The following BIN3 variants were observed in gnomAD, a reference collection of about 807,000 sequenced individuals.
BIN3 encodes bridging integrator 3.
Under a neutral mutation model 38.2 loss-of-function variants are expected in BIN3, and 41 were observed. The ratio of observed to expected loss-of-function variants is 1.07; its 90% CI spans 0.84 to 1.39. The LOEUF (loss-of-function observed/expected upper bound fraction) is 1.39, where lower values mean the gene tolerates loss of function less well. Among genes scored for constraint, BIN3 ranks in the 40% most tolerant of loss-of-function variants. The pLI, the probability that BIN3 is intolerant of heterozygous loss-of-function variation, is 0.00. For synonymous variants in BIN3, 145 were observed against 122.6 expected (o/e 1.18, Z -1.21); for missense variants, 361 against 324.3 (o/e 1.11, Z -0.87).
rs748508920 is a variant in BIN3 at position 22,630,538 on chromosome 8, G to A, written c.201C>T (p.Leu67=). The A allele has an allele frequency of 6.2e-7, 1 of 1,614,050 alleles. No individual in the cohort carries two copies. The highest frequency in any genetic ancestry group is 1.3e-5 in the African/African-American group (1 of 75,072). Residue 67 remains leucine, a synonymous_variant, in exon 5 of 9, where the codon CTC becomes CTT. Transcript: ENST00000276416. ...KSAVKISLDL[L]SNPLCEQDQD... The stretch of plus-strand genomic sequence containing the variant: ...GGTCTTGCTCACAGAGGGGATTGGA[G>A]AGTAAGTCCAAGGATATCTTCACGG...
chr8:22,659,309 A>C (rs561665585), intron 1 of BIN3, among the ~76,000 whole-genome samples: 1 of 152,188 alleles, frequency 6.6e-6, no homozygotes, highest in Admixed American at 6.5e-5. Flanking sequence ...AATTAGCTTG[A>C]TCCAAAACCA....
In BIN3 at chr8:22,624,033, C is replaced by T. The variant is rs758256419; in HGVS notation, c.497G>A (p.Arg166Gln). The change falls in exon 8 of 9, where the codon CGG (arginine) becomes CAG (glutamine). Residue 166 changes from arginine to glutamine, a missense_variant. Physicochemically the swap from Arg to Gln is conservative, Grantham distance 43 (BLOSUM62 1). Transcript: ENST00000276416. ...AKLHQAREEL[R>Q]PVREDFEAKN... ...GGCTTCAAAGTCCTCCCGCACAGGC[C>T]GCAGCTCCTCTCGTGCCTAGGGAAC... 15 of 1,612,992 alleles carry T rather than the reference C, an allele frequency of 9.3e-6. No individual in the cohort carries two copies. Among genetic ancestry groups the T allele is most frequent in the East Asian group, 2.2e-5 (1 of 44,848 alleles).
chr8:22,626,294 G>A (rs1802001826), intron 6 of BIN3: 1 of 152,414 alleles, frequency 6.6e-6, no homozygotes, highest in African/African-American at 2.4e-5. Context: ...AGGATGCATA[G>A]TCGCCCATGG....
intron 1 of BIN3, among the ~76,000 whole-genome samples, chr8:22,645,763 T>G (rs1425507696): frequency 6.6e-6 from 1 of 152,224 alleles, no homozygotes; most frequent in Non-Finnish European, 1.5e-5. Context: ...TACTTCTCTA[T>G]AGAGGGGCAA....
At chr8:22,667,172 G>A (rs1178069555) in intron 1 of BIN3, among the ~76,000 whole-genome samples, 2 of 152,144 alleles carry the variant, frequency 1.3e-5, no homozygotes, top group African/African-American at 2.4e-5. Flanking sequence ...TCAGTCCAAG[G>A]AGATACCAAG....
intron 1 of BIN3, among the ~76,000 whole-genome samples, chr8:22,666,015 G>C (rs971869327): frequency 2.0e-5 from 3 of 152,116 alleles, no homozygotes; most frequent in African/African-American, 7.2e-5. Flanking sequence ...GGCTGAGCCA[G>C]AACCTGAACG....
intron 1 of BIN3, 146 bp downstream of exon 1, chr8:22,668,898 G>T (rs1403760599): frequency 3.0e-6 from 3 of 1,000,964 alleles, no homozygotes; most frequent in South Asian, 1.6e-5. Flanking sequence ...CCGAGGGAAC[G>T]ACCCTAGGGC....
At chr8:22,629,485 G>A (rs554541706) in intron 6 of BIN3, among the ~76,000 whole-genome samples, 88 of 152,322 alleles carry the variant, frequency 5.8e-4, no homozygotes, top group African/African-American at 1.9e-3. Flanking sequence ...GGACCTTCCC[G>A]GGCCAGACCC....
At chr8:22,641,139 C>T (rs1329356321) in intron 2 of BIN3, among the ~76,000 whole-genome samples, 3 of 152,198 alleles carry the variant, frequency 2.0e-5, no homozygotes, top group Admixed American at 2.0e-4. Flanking sequence ...AAGATCTGAA[C>T]ATCTTTGAAT....
At chr8:22,639,930 C>T (rs148109031) in intron 2 of BIN3, among the ~76,000 whole-genome samples, 3,890 of 151,986 alleles carry the variant, frequency 0.026, 88 homozygotes, top group Non-Finnish European at 0.038. Flanking sequence ...GGCGTGATCT[C>T]GGCTCACCGC....
At chr8:22,630,251 G>A (rs961178044) in intron 5 of BIN3, among the ~76,000 whole-genome samples, 191 bp downstream of exon 5, 2 of 152,216 alleles carry the variant, frequency 1.3e-5, no homozygotes, top group African/African-American at 2.4e-5. Flanking sequence ...AGCCTCAGGA[G>A]GCAGGTAGAG....
intron 1 of BIN3, among the ~76,000 whole-genome samples, chr8:22,652,211 A>G (rs1483105613): frequency 2.6e-5 from 4 of 151,950 alleles, no homozygotes; most frequent in Non-Finnish European, 5.9e-5. Flanking sequence ...TATTTTCCAT[A>G]CTAAGTGCTT....
At chr8:22,658,294 C>T (rs533963755) in intron 1 of BIN3, among the ~76,000 whole-genome samples, 1 of 152,172 alleles carries the variant, frequency 6.6e-6, no homozygotes, top group African/African-American at 2.4e-5. Context: ...TCTGTGTGTA[C>T]GGAGGGCAAA....
rs139294776 is a variant in BIN3, at chr8:22,629,371, C to A, written c.338+593G>T. ...GGCACGGCTCTGCCTGTTCCCCGCCCTGGGGACCGAGGGAATAGGCCTGTC... is the reference window on the plus strand; with the variant it reads ...GGCACGGCTCTGCCTGTTCCCCGCCATGGGGACCGAGGGAATAGGCCTGTC... On this transcript the variant is annotated intron_variant, in intron 6 of 8. Transcript: ENST00000276416. 5.4e-4 allele frequency among the ~76,000 whole-genome samples: 83 copies of A among 152,332 alleles called. 2 individuals carry two copies. The East Asian group carries it at 0.015, about 28-fold the overall frequency.
At chr8:22,631,516 C>T (rs1340824797) in intron 4 of BIN3, among the ~76,000 whole-genome samples, 2 of 152,178 alleles carry the variant, frequency 1.3e-5, no homozygotes, top group Non-Finnish European at 2.9e-5. Flanking sequence ...TCCATTTTAG[C>T]GAGGAGGCAG....
At chr8:22,660,749 T>C (rs986321048) in intron 1 of BIN3, among the ~76,000 whole-genome samples, 1 of 152,396 alleles carries the variant, frequency 6.6e-6, no homozygotes, top group African/African-American at 2.4e-5. Context: ...AATACTCATG[T>C]ATCCACCACT....
At chr8:22,651,773 CAAT>C (rs372978698) in intron 1 of BIN3, among the ~76,000 whole-genome samples, 26 of 152,276 alleles carry the variant, frequency 1.7e-4, no homozygotes, top group African/African-American at 5.8e-4. Flanking sequence ...AATTTTACAA[CAAT>C]GTGGGTCTAT....
chr8:22,643,270 G>T (rs1247769139), intron 2 of BIN3, among the ~76,000 whole-genome samples: 1 of 152,210 alleles, frequency 6.6e-6, no homozygotes, highest in Non-Finnish European at 1.5e-5. Flanking sequence ...GCCTCTGCAT[G>T]AGAGGTCAGC....
At chr8:22,627,606 C>T (rs773327151) in intron 6 of BIN3, among the ~76,000 whole-genome samples, 6 of 152,192 alleles carry the variant, frequency 3.9e-5, no homozygotes, top group Non-Finnish European at 5.9e-5. Context: ...TGTCCCCAGG[C>T]GTGAAGCCAG....
Sources: allele counts gnomAD v4.1 joint callset (sites outside exome capture counted in the v4.1 genomes callset), GRCh38; gene constraint gnomAD v4.1.1; transcripts MANE v1.5; gene names NCBI Gene and HGNC (gene_info 2026-07-23, HGNC 2026-07-21).